Variants in ZDHHC20 observed in about 807,000 individuals in gnomAD.
ZDHHC20 encodes zDHHC palmitoyltransferase 20, also known as palmitoyltransferase ZDHHC20.
Under a neutral mutation model 57.8 loss-of-function variants are expected in ZDHHC20, and 43 were observed. That is an observed-to-expected ratio of 0.74 (90% CI 0.58 to 0.96). ZDHHC20 has a LOEUF of 0.96. Ranked by LOEUF, ZDHHC20 falls within the 40% of genes least tolerant of loss-of-function variation. ZDHHC20 has a pLI of 0.00. For missense variants in ZDHHC20, 391 were observed against 441.1 expected (o/e 0.89, Z 1.02); for synonymous variants, 157 against 153.0 (o/e 1.03, Z -0.19).
rs1261874933 is a variant in ZDHHC20 at position 21,459,246 on chromosome 13, A to C, written c.-75T>G. 8.2e-7 allele frequency: 1 copy of C among 1,214,492 alleles called. No individual in the cohort carries two copies. The highest frequency in any genetic ancestry group is 1.6e-5 in the African/African-American group (1 of 63,232). The allele number at this position is 1,214,492 out of a possible 1,614,324, so 75.2% of individuals were successfully genotyped here. A position where few individuals can be genotyped will look rare whatever the true frequency, so the allele number is the denominator to read the frequency against. On this transcript the variant is annotated 5_prime_UTR_variant, in exon 1 of 13. Transcript: ENST00000400590. ...GGGAGCCCCGGCGACGGTGACTCGGACGCTCCAGGCGGCTGCTGGTCCAGC... is the reference window on the plus strand; with the variant it reads ...GGGAGCCCCGGCGACGGTGACTCGGCCGCTCCAGGCGGCTGCTGGTCCAGC...
At chr13:21,399,302 G>A (rs192173066) in intron 7 of ZDHHC20, among the ~76,000 whole-genome samples, 5 of 151,948 alleles carry the variant, frequency 3.3e-5, no homozygotes, top group Admixed American at 2.6e-4. Flanking sequence ...ATGAGATCGC[G>A]CCACTGCACT....
chr13:21,401,138 G>GCC (rs1028377004), intron 6 of ZDHHC20, among the ~76,000 whole-genome samples: 2 of 151,890 alleles, frequency 1.3e-5, no homozygotes, highest in African/African-American at 2.4e-5. Flanking sequence ...AATCAGCCAG[G>GCC]CGTGGTGGTG....
chr13:21,436,584 T>C (rs1451525943), intron 1 of ZDHHC20, among the ~76,000 whole-genome samples: 1 of 152,224 alleles, frequency 6.6e-6, no homozygotes, highest in Non-Finnish European at 1.5e-5. Context: ...TGCATCCATA[T>C]ACGATGGAAA....
intron 1 of ZDHHC20, among the ~76,000 whole-genome samples, chr13:21,457,272 T>C (rs1013412254): frequency 6.6e-6 from 1 of 152,192 alleles, no homozygotes; most frequent in African/African-American, 2.4e-5. Flanking sequence ...ATTTTTAGTG[T>C]TCCTTCAGCT....
In ZDHHC20 at chr13:21,413,638, A is replaced by C. The variant is rs1339434508; in HGVS notation, c.370+14T>G. ...AAAAATCATTTGAAAAGGAAAACTTATTCTTTTTCTTACTTTTTGAAGCTG... is the reference window on the plus strand; with the variant it reads ...AAAAATCATTTGAAAAGGAAAACTTCTTCTTTTTCTTACTTTTTGAAGCTG... On this transcript the variant is annotated intron_variant, in intron 4 of 12. Coordinates refer to ENST00000400590, the MANE Select transcript of ZDHHC20 (RefSeq NM_001330059.2). 6.3e-7 allele frequency: 1 copy of C among 1,575,364 alleles called. No homozygotes were observed. The highest frequency in any genetic ancestry group is 8.6e-7 in the Non-Finnish European group (1 of 1,167,406).
At chr13:21,427,702 G>A (rs1222179882) in intron 1 of ZDHHC20, among the ~76,000 whole-genome samples, 1 of 151,990 alleles carries the variant, frequency 6.6e-6, no homozygotes, top group Non-Finnish European at 1.5e-5. Flanking sequence ...AGGCATGGTG[G>A]CATGCACCTA....
intron 6 of ZDHHC20, among the ~76,000 whole-genome samples, chr13:21,401,020 G>A (rs766019295): frequency 1.1e-4 from 17 of 152,044 alleles, no homozygotes; most frequent in Non-Finnish European, 2.1e-4. Context: ...GCTCATGCCT[G>A]TAATCCTAGT....
chr13:21,392,212 T>TAAA (rs34810017), intron 7 of ZDHHC20, among the ~76,000 whole-genome samples: 6 of 95,810 alleles, frequency 6.3e-5, no homozygotes, highest in Non-Finnish European at 7.1e-5. Flanking sequence ...CCCTGTCTCA[T>TAAA]AAAAAAAAAA....
intron 4 of ZDHHC20, among the ~76,000 whole-genome samples, chr13:21,411,217 T>C (rs1879175238): frequency 6.6e-6 from 1 of 152,312 alleles, no homozygotes; most frequent in Middle Eastern, 3.4e-3. Context: ...CCCAATGAGA[T>C]GAAGAGGGTA....
Position 21,426,666 on chromosome 13 carries a change from C to A in ZDHHC20, c.119-988G>T, listed in dbSNP as rs528165424. 2.0e-5 allele frequency among the ~76,000 whole-genome samples: 3 copies of A among 147,506 alleles called. No individual in the cohort carries two copies. The East Asian group carries it at 6.0e-4, about 29-fold the overall frequency. ...TGTTGCCCAGCCTGGAGTGCAGTGG[C>A]ACAATCTTGGCTCACTGCAACCTCC... On this transcript the variant is annotated intron_variant, in intron 1 of 12. Transcript: ENST00000400590.
chr13:21,419,786 G>T (rs1021825849), intron 3 of ZDHHC20, among the ~76,000 whole-genome samples: 1 of 152,118 alleles, frequency 6.6e-6, no homozygotes, highest in Non-Finnish European at 1.5e-5. Flanking sequence ...TCTTGAATTG[G>T]GTGGTAGTTA....
At chr13:21,427,692 A>C (rs752594311) in intron 1 of ZDHHC20, among the ~76,000 whole-genome samples, 2 of 151,986 alleles carry the variant, frequency 1.3e-5, no homozygotes, top group Non-Finnish European at 2.9e-5. Flanking sequence ...AAAATTAGCC[A>C]GGCATGGTGG....
intron 1 of ZDHHC20, among the ~76,000 whole-genome samples, chr13:21,440,046 G>A (rs1190715703): frequency 4.7e-5 from 6 of 127,776 alleles, no homozygotes; most frequent in Admixed American, 1.9e-4. Flanking sequence ...CAGCCTGGGC[G>A]ACAGAGTAAG....
chr13:21,447,081 T>C lies in ZDHHC20; in HGVS notation c.118+11973A>G, dbSNP rs1181924557. Among the ~76,000 whole-genome samples, 4 of 151,630 alleles carry C rather than the reference T, an allele frequency of 2.6e-5. No homozygotes were observed. In the East Asian group the frequency reaches 7.8e-4, roughly 29 times the overall value. ...TCCTGGAGAATACATGGAATAAAGG[T>C]GGGGGTGGAGCACAGGAAGAGACAG... On this transcript the variant is annotated intron_variant, in intron 1 of 12. Transcript: ENST00000400590.
intron 4 of ZDHHC20, among the ~76,000 whole-genome samples, chr13:21,407,972 G>T (rs1878689117): frequency 6.6e-6 from 1 of 152,138 alleles, no homozygotes; most frequent in Non-Finnish European, 1.5e-5. Context: ...TGTTCCATTG[G>T]TCTATATATC....
chr13:21,447,243 CT>C (rs771778120), intron 1 of ZDHHC20, among the ~76,000 whole-genome samples: 108 of 238 alleles, frequency 0.45, no homozygotes, highest in Non-Finnish European at 0.46. Flanking sequence ...AGGCCGAGGA[CT>C]CGTCCCAGTT....
intron 7 of ZDHHC20, among the ~76,000 whole-genome samples, chr13:21,394,744 G>A (rs1446440192): frequency 1.3e-5 from 2 of 152,112 alleles, no homozygotes; most frequent in East Asian, 3.9e-4. Flanking sequence ...GTTTAAATAA[G>A]GGGTATGGTT....
chr13:21,381,377 T>C (rs1873379704), intron 11 of ZDHHC20, 57 bp downstream of exon 11: 16 of 1,290,726 alleles, frequency 1.2e-5, no homozygotes, highest in Admixed American at 3.9e-5. Context: ...ACATGTATTA[T>C]ATCTGGTGCT....
At chr13:21,420,925 G>T in intron 3 of ZDHHC20, 136 bp downstream of exon 3, 1 of 666,204 alleles carries the variant, frequency 1.5e-6, no homozygotes, top group Non-Finnish European at 2.6e-6. Context: ...CACATTCACA[G>T]TACAGAGCAA....
Sources: allele counts gnomAD v4.1 joint callset (sites outside exome capture counted in the v4.1 genomes callset), GRCh38; gene constraint gnomAD v4.1.1; transcripts MANE v1.5; gene names NCBI Gene and HGNC (gene_info 2026-07-23, HGNC 2026-07-21).